Variants in RABGEF1 observed in about 807,000 individuals in gnomAD.
RABGEF1 encodes rab5 GDP/GTP exchange factor.
RABGEF1 carries 26 observed loss-of-function variants against 57.3 expected under a neutral mutation model. The ratio of observed to expected loss-of-function variants is 0.45; its 90% CI spans 0.33 to 0.63. The LOEUF (loss-of-function observed/expected upper bound fraction) is 0.63. Ranked by LOEUF, RABGEF1 falls within the 20% of genes least tolerant of loss-of-function variation. The pLI, the probability that RABGEF1 is intolerant of heterozygous loss-of-function variation, is 0.02. For synonymous variants in RABGEF1, 185 were observed against 210.7 expected (o/e 0.88, Z 1.06); for missense variants, 464 against 607.6 (o/e 0.76, Z 2.48).
intron 2 of RABGEF1, among the ~76,000 whole-genome samples, chr7:66,724,451 C>A (rs139252730): frequency 0.015 from 2,211 of 152,202 alleles, 58 homozygotes; most frequent in East Asian, 0.092. Flanking sequence ...CCACCGCTTC[C>A]CAGGTTCAAG....
chr7:66,657,427 A>G, the RABGEF1 span, among the ~76,000 whole-genome samples: 1 of 152,220 alleles, frequency 6.6e-6, no homozygotes, highest in African/African-American at 2.4e-5. Flanking sequence ...ATTAGAAAAC[A>G]CTTTGAGATG....
chr7:66,656,806 G>A, the RABGEF1 span, among the ~76,000 whole-genome samples: 2 of 77,108 alleles, frequency 2.6e-5, no homozygotes, highest in South Asian at 3.8e-4. Context: ...GGCAACAAGA[G>A]TGAAACTGCA....
chr7:66,655,506 TC>T, the RABGEF1 span, among the ~76,000 whole-genome samples: 3 of 151,974 alleles, frequency 2.0e-5, no homozygotes, highest in East Asian at 1.9e-4. Context: ...AGAGCTACTT[TC>T]CCCCCCTAAA....
At chr7:66,710,844 T>C (rs1794677556) in intron 1 of RABGEF1, among the ~76,000 whole-genome samples, 1 of 152,098 alleles carries the variant, frequency 6.6e-6, no homozygotes, top group South Asian at 2.1e-4. Flanking sequence ...TTCATACCTG[T>C]AATCGCACCA....
upstream of RABGEF1, among the ~76,000 whole-genome samples, chr7:66,678,559 C>T (rs1165416028): frequency 2.3e-4 from 22 of 97,076 alleles, no homozygotes; most frequent in Non-Finnish European, 1.9e-4. Flanking sequence ...AGTGAGAGTC[C>T]GTCTCAAAAA....
intron 2 of RABGEF1, among the ~76,000 whole-genome samples, chr7:66,720,194 ATTT>A (rs58442880): frequency 0.031 from 4,202 of 134,246 alleles, 94 homozygotes; most frequent in Admixed American, 0.046. Context: ...TATTATTATT[ATTT>A]TTTTTTTTTT....
At chr7:66,771,018 GT>G (rs1275144002) in intron 1 of RABGEF1, among the ~76,000 whole-genome samples, 1 of 152,022 alleles carries the variant, frequency 6.6e-6, no homozygotes, top group African/African-American at 2.4e-5. Context: ...GAGTTCCTTC[GT>G]ATTTTAGATA....
the RABGEF1 span, among the ~76,000 whole-genome samples, chr7:66,655,789 T>C: frequency 2.6e-5 from 4 of 152,244 alleles, no homozygotes; most frequent in African/African-American, 9.6e-5. Context: ...TTTTAAGAGT[T>C]ACTGATTCAT....
At chr7:66,697,127 G>T (rs144792815) in intron 1 of RABGEF1, among the ~76,000 whole-genome samples, 2 of 152,158 alleles carry the variant, frequency 1.3e-5, no homozygotes, top group Admixed American at 6.5e-5. Context: ...GGTGGAGGGG[G>T]TGCAGAGCAG....
At position 66,751,316 on chromosome 7, in the gene RABGEF1, C is replaced by T. The variant is rs572020643; in HGVS notation, c.-18+10524C>T. Among the ~76,000 whole-genome samples the T allele has an allele frequency of 5.9e-5, 9 of 152,344 alleles. No homozygotes were observed. The South Asian group carries it at 1.7e-3, about 28-fold the overall frequency. ...AAAGTGTTGGCATTACAGGCGTGAG[C>T]CACCGTACCTGGCCTTCCCTCTTTT... On this transcript the variant is annotated intron_variant, in intron 1 of 8. Transcript: ENST00000284957.
chr7:66,691,863 G>A (rs902570058), intron 1 of RABGEF1, among the ~76,000 whole-genome samples: 9 of 151,810 alleles, frequency 5.9e-5, no homozygotes, highest in Non-Finnish European at 1.2e-4. Flanking sequence ...AGACCAGCCT[G>A]AGCAATGTAG....
intron 1 of RABGEF1, among the ~76,000 whole-genome samples, chr7:66,770,163 T>G (rs996314685): frequency 3.9e-5 from 6 of 152,214 alleles, no homozygotes; most frequent in African/African-American, 1.4e-4. Context: ...GCATCACCAG[T>G]GCCATCTAGC....
At chr7:66,703,158 AG>A (rs1467489158) in intron 1 of RABGEF1, among the ~76,000 whole-genome samples, 2 of 152,000 alleles carry the variant, frequency 1.3e-5, no homozygotes, top group Non-Finnish European at 2.9e-5. Flanking sequence ...TGTAGTTTTT[AG>A]TAGAAATGGG....
At chr7:66,672,404 C>T in the RABGEF1 span, among the ~76,000 whole-genome samples, 23 of 152,130 alleles carry the variant, frequency 1.5e-4, no homozygotes, top group Non-Finnish European at 1.2e-4. Context: ...TGCACTCCAG[C>T]CTGGGAGACA....
intron 1 of RABGEF1, chr7:66,756,011 C>T: frequency 1.4e-6 from 2 of 1,449,518 alleles, no homozygotes; most frequent in Non-Finnish European, 1.8e-6. Flanking sequence ...GTTGGTGAAC[C>T]TTGGATTACA....
chr7:66,786,125 C>T (rs1811129741), intron 4 of RABGEF1, among the ~76,000 whole-genome samples: 1 of 152,206 alleles, frequency 6.6e-6, no homozygotes, highest in African/African-American at 2.4e-5. Flanking sequence ...CTCTTGCCCA[C>T]ATCTTTCCCA....
At chr7:66,660,437 T>C in the RABGEF1 span, among the ~76,000 whole-genome samples, 2 of 151,384 alleles carry the variant, frequency 1.3e-5, no homozygotes, top group East Asian at 3.9e-4. Flanking sequence ...ACCACAAACA[T>C]AGGTACACCA....
chr7:66,687,313 A>G (rs1790818897), intron 1 of RABGEF1, among the ~76,000 whole-genome samples: 2 of 151,084 alleles, frequency 1.3e-5, no homozygotes, highest in African/African-American at 2.4e-5. Context: ...TTTAGTAGAG[A>G]TGGGGTTTTG....
intron 1 of RABGEF1, among the ~76,000 whole-genome samples, chr7:66,710,318 G>T (rs1321032903): frequency 6.6e-6 from 1 of 152,096 alleles, no homozygotes; most frequent in Non-Finnish European, 1.5e-5. Context: ...TTAGCGTTTA[G>T]CTTTTACCAG....
Sources: allele counts gnomAD v4.1 joint callset (sites outside exome capture counted in the v4.1 genomes callset), GRCh38; gene constraint gnomAD v4.1.1; transcripts MANE v1.5; gene names NCBI Gene and HGNC (gene_info 2026-07-23, HGNC 2026-07-21).